The following ZC4H2 variants were observed in gnomAD, a reference collection of about 807,000 sequenced individuals.
ZC4H2 encodes zinc finger C4H2-type containing, also known as zinc finger C4H2 domain-containing protein.
For synonymous variants in ZC4H2, 84 were observed against 66.3 expected (o/e 1.27, Z -1.30); for missense variants, 137 against 173.9 (o/e 0.79, Z 1.19).
chrX:64,930,071 C>A (rs1428953004), intron 1 of ZC4H2, among the ~76,000 whole-genome samples: 1 of 111,009 alleles, frequency 9.0e-6, no homozygotes, highest in Non-Finnish European at 1.9e-5. Context: ...GTTTTCCTTG[C>A]AGATATCTTT....
intron 1 of ZC4H2, among the ~76,000 whole-genome samples, chrX:64,923,925 G>T (rs1390434580): frequency 9.0e-6 from 1 of 111,123 alleles, no homozygotes; most frequent in Admixed American, 9.6e-5. Context: ...AAACATCAAG[G>T]GTTCTTGTTA....
chrX:64,997,745 C>A (rs913226178), intron 1 of ZC4H2, among the ~76,000 whole-genome samples: 1 of 111,384 alleles, frequency 9.0e-6, no homozygotes, highest in African/African-American at 3.3e-5. Flanking sequence ...GTAGCTGGGA[C>A]TACAGGCATG....
At chrX:64,935,686 T>G (rs778405800) in intron 1 of ZC4H2, among the ~76,000 whole-genome samples, 1 of 111,719 alleles carries the variant, frequency 9.0e-6, no homozygotes, top group South Asian at 3.7e-4. Flanking sequence ...GCAAACAGGG[T>G]CTGGAGTGGA....
chrX:64,934,635 G>A (rs994680359), intron 1 of ZC4H2, among the ~76,000 whole-genome samples: 6 of 111,799 alleles, frequency 5.4e-5, no homozygotes, highest in Admixed American at 9.5e-5. Flanking sequence ...TTCCAACTGA[G>A]GTACACAGTT....
intron 1 of ZC4H2, among the ~76,000 whole-genome samples, chrX:64,973,097 C>T (rs932918022): frequency 1.8e-5 from 2 of 111,065 alleles, no homozygotes; most frequent in Non-Finnish European, 3.8e-5. Flanking sequence ...ATTAAGATGG[C>T]CATTCCTGCT....
intron 1 of ZC4H2, among the ~76,000 whole-genome samples, chrX:64,936,480 C>A (rs1326880306): frequency 9.0e-6 from 1 of 111,213 alleles, no homozygotes; most frequent in Non-Finnish European, 1.9e-5. Flanking sequence ...ATCAGATTCA[C>A]CAAGGTTGAA....
At chrX:64,919,794 T>C (rs1602380435) in intron 3 of ZC4H2, 1 of 286,463 alleles carries the variant, frequency 3.5e-6, no homozygotes, top group East Asian at 5.5e-5. Context: ...AGTCTTGTAT[T>C]GTCAATATCA....
At chrX:65,023,256 G>A (rs1932850417) in intron 1 of ZC4H2, among the ~76,000 whole-genome samples, 1 of 111,747 alleles carries the variant, frequency 8.9e-6, no homozygotes, top group African/African-American at 3.3e-5. Context: ...AAGATTTTGG[G>A]CTGAGATGAT....
chrX:65,028,817 G>A (rs1211552950), intron 1 of ZC4H2, among the ~76,000 whole-genome samples: 11 of 111,437 alleles, frequency 9.9e-5, no homozygotes, highest in Non-Finnish European at 1.7e-4. Context: ...CCACTGTGCC[G>A]GGCCTCTCTT....
At position 64,921,991 on chromosome X, in the gene ZC4H2, G is replaced by A; in HGVS notation, c.54-3C>T. ...TCTCCATCTGCAGGGTCTTGTTCCT[G>A]CAATTTGCAAAAAGCAGGAAACAGG... On this transcript the variant is annotated splice_region_variant and splice_polypyrimidine_tract_variant and intron_variant, in intron 1 of 4. Transcript: ENST00000374839. 7 of 1,206,352 alleles carry A rather than the reference G, an allele frequency of 5.8e-6. No individual in the cohort carries two copies. The highest frequency in any genetic ancestry group is 6.7e-6 in the Non-Finnish European group (6 of 893,607).
At chrX:64,936,868 C>G (rs1482473959) in intron 1 of ZC4H2, among the ~76,000 whole-genome samples, 1 of 111,120 alleles carries the variant, frequency 9.0e-6, no homozygotes, top group Non-Finnish European at 1.9e-5. Flanking sequence ...AACAAATGGG[C>G]AAAATAACCA....
At chrX:65,003,024 C>G (rs1235013654) in intron 1 of ZC4H2, among the ~76,000 whole-genome samples, 1 of 108,228 alleles carries the variant, frequency 9.2e-6, no homozygotes, top group Non-Finnish European at 1.9e-5. Flanking sequence ...GCCAAATCCC[C>G]CTCTGCGAGA....
chrX:65,018,779 C>T (rs1932814404), intron 1 of ZC4H2, among the ~76,000 whole-genome samples: 1 of 111,568 alleles, frequency 9.0e-6, no homozygotes, highest in Admixed American at 9.5e-5. Flanking sequence ...AGCTAAGATC[C>T]ACTGGCTTGA....
intron 1 of ZC4H2, among the ~76,000 whole-genome samples, chrX:64,934,487 G>A (rs1023894469): frequency 3.6e-5 from 4 of 111,893 alleles, no homozygotes; most frequent in Non-Finnish European, 7.5e-5. Flanking sequence ...GATGCCTGTG[G>A]GGTCTGCAGC....
rs184031162 is a variant in ZC4H2, at chrX:64,930,837, C to A, written c.54-8849G>T. Among the ~76,000 whole-genome samples, 249 of 110,870 alleles carry A rather than the reference C, an allele frequency of 2.2e-3. 2 individuals are homozygous for A. Among genetic ancestry groups the A allele is most frequent in the African/African-American group, 7.5e-3 (230 of 30,552 alleles). ...GGTCTGTAGCGTTTTTGGTTGTGTT[C>A]TTTCTTGGTTTGGGTATTGGGGTGA... On this transcript the variant is annotated intron_variant, in intron 1 of 4. Transcript: ENST00000374839.
At chrX:65,016,189 T>C (rs962659883) in intron 1 of ZC4H2, among the ~76,000 whole-genome samples, 2 of 111,358 alleles carry the variant, frequency 1.8e-5, no homozygotes, top group Non-Finnish European at 3.8e-5. Flanking sequence ...GGCATCATTG[T>C]GGCCAGCTTC....
At chrX:64,935,849 C>A (rs771168444) in intron 1 of ZC4H2, among the ~76,000 whole-genome samples, 1 of 110,850 alleles carries the variant, frequency 9.0e-6, no homozygotes, top group Non-Finnish European at 1.9e-5. Flanking sequence ...AAGATGAAAA[C>A]CAGAATGCCT....
Position 64,963,106 on chromosome X carries a change from A to C in ZC4H2, c.53+13219T>G, listed in dbSNP as rs183966162. On this transcript the variant is annotated intron_variant, in intron 1 of 4. Coordinates refer to ENST00000374839, the MANE Select transcript of ZC4H2 (RefSeq NM_018684.4). ...ACAGACATAGAGGCCATGGGAAAAA[A>C]CAGAGAGCCCAGAAATGAATCCACC... Among the ~76,000 whole-genome samples the C allele has an allele frequency of 2.7e-5, 3 of 111,605 alleles. No homozygotes were observed. The Admixed American group carries it at 2.9e-4, about 11-fold the overall frequency.
intron 1 of ZC4H2, among the ~76,000 whole-genome samples, chrX:65,026,128 C>T (rs1198800139): frequency 8.9e-6 from 1 of 111,849 alleles, no homozygotes; most frequent in Non-Finnish European, 1.9e-5. Context: ...ATCAACCCCA[C>T]CCTTTATTAA....
Sources: gnomAD v4.1 joint callset for allele counts (sites outside exome capture counted in the v4.1 genomes callset) on GRCh38, gnomAD v4.1.1 for gene constraint, MANE v1.5 for transcripts, NCBI Gene and HGNC (gene_info 2026-07-23, HGNC 2026-07-21) for gene names.